CCDC102B: variants seen among roughly 807,000 people sequenced by gnomAD.
CCDC102B encodes coiled-coil domain-containing protein 102B.
In CCDC102B, 75 loss-of-function variants were observed where a neutral mutation model predicts 57.4. That is an observed-to-expected ratio of 1.31 (90% CI 1.08 to 1.58). The LOEUF (loss-of-function observed/expected upper bound fraction) is 1.58. Ranked by LOEUF, CCDC102B falls within the 40% of genes most tolerant of loss-of-function variation. The pLI is 0.00. For synonymous variants in CCDC102B, 206 were observed against 201.9 expected (o/e 1.02, Z -0.17); for missense variants, 636 against 582.6 (o/e 1.09, Z -0.94).
chr18:69,056,951 A>G (rs2052828998), downstream of CCDC102B, among the ~76,000 whole-genome samples: 4 of 151,978 alleles, frequency 2.6e-5, no homozygotes, highest in Admixed American at 2.6e-4. Flanking sequence ...TTTCTCCTTT[A>G]GATACCTCAT....
chr18:68,831,595 A>C (rs2037143278), intron 1 of CCDC102B, among the ~76,000 whole-genome samples: 1 of 152,118 alleles, frequency 6.6e-6, no homozygotes. Context: ...TGCTTTGGCG[A>C]ATTATTTTCT....
intron 2 of CCDC102B, among the ~76,000 whole-genome samples, chr18:68,784,592 A>T (rs2144642460): frequency 6.6e-6 from 1 of 152,280 alleles, no homozygotes; most frequent in Admixed American, 6.5e-5. Flanking sequence ...TAAATGCAAT[A>T]TTGTTTTTAT....
intron 7 of CCDC102B, among the ~76,000 whole-genome samples, chr18:69,011,912 C>A (rs913435515): frequency 6.6e-6 from 1 of 152,014 alleles, no homozygotes; most frequent in Non-Finnish European, 1.5e-5. Flanking sequence ...ATTTAATAAT[C>A]AAACTTACTC....
chr18:68,925,034 T>C (rs2041429959), intron 6 of CCDC102B, among the ~76,000 whole-genome samples: 1 of 152,026 alleles, frequency 6.6e-6, no homozygotes, highest in African/African-American at 2.4e-5. Context: ...TAGGGGCTAC[T>C]GCTATGCACT....
Position 69,007,909 on chromosome 18 carries a change from G to C in CCDC102B, c.1264-3025G>C, listed in dbSNP as rs555836257. ...ATTCCTTCCTCTTTCCTCTTTCCTT[G>C]TATGAACACTGAAGGCTTATTGCTT... On this transcript the variant is annotated intron_variant, in intron 6 of 7. Transcript: ENST00000360242. Among the ~76,000 whole-genome samples, 31 of 152,120 alleles carry C rather than the reference G, an allele frequency of 2.0e-4. No individual in the cohort carries two copies. The South Asian group carries it at 2.7e-3, about 13-fold the overall frequency.
intron 6 of CCDC102B, among the ~76,000 whole-genome samples, chr18:68,913,681 A>G (rs1212946855): frequency 1.3e-5 from 2 of 151,018 alleles, no homozygotes; most frequent in Non-Finnish European, 3.0e-5. Context: ...AGCAAAAACA[A>G]AGACAAAACT....
intron 6 of CCDC102B, among the ~76,000 whole-genome samples, chr18:68,954,388 C>T (rs1192022787): frequency 6.6e-6 from 1 of 152,106 alleles, no homozygotes; most frequent in Non-Finnish European, 1.5e-5. Flanking sequence ...CCACTGCGCT[C>T]CAGCCTGGGT....
chr18:68,989,999 G>T (rs1219627137), intron 6 of CCDC102B, among the ~76,000 whole-genome samples: 1 of 152,126 alleles, frequency 6.6e-6, no homozygotes, highest in Non-Finnish European at 1.5e-5. Context: ...TGCATGTCCA[G>T]CTCCTCTGTA....
At chr18:68,842,340 A>C (rs114331169) in intron 3 of CCDC102B, among the ~76,000 whole-genome samples, 1 of 152,154 alleles carries the variant, frequency 6.6e-6, no homozygotes, top group East Asian at 1.9e-4. Flanking sequence ...TTATTTTGTT[A>C]CTTTATTAAC....
chr18:68,868,538 C>G (rs1236585094), intron 4 of CCDC102B, among the ~76,000 whole-genome samples: 2 of 152,124 alleles, frequency 1.3e-5, no homozygotes, highest in Admixed American at 6.6e-5. Flanking sequence ...GAATCTTAAC[C>G]TTGCTGTCAC....
chr18:68,872,590 G>GT (rs1230074312), intron 4 of CCDC102B, among the ~76,000 whole-genome samples: 2 of 151,824 alleles, frequency 1.3e-5, no homozygotes, highest in African/African-American at 4.8e-5. Context: ...ATTGGATCCA[G>GT]TTTTTTCTCT....
chr18:68,717,658 G>A (rs1437432792), intron 2 of CCDC102B, among the ~76,000 whole-genome samples: 1 of 151,954 alleles, frequency 6.6e-6, no homozygotes, highest in Non-Finnish European at 1.5e-5. Flanking sequence ...CATATTCTGT[G>A]GTGAAAAATT....
chr18:68,976,699 A>G (rs568517099), intron 6 of CCDC102B, among the ~76,000 whole-genome samples: 1 of 152,132 alleles, frequency 6.6e-6, no homozygotes, highest in South Asian at 2.1e-4. Context: ...AACCCATCAT[A>G]TGTCTATTTC....
intron 7 of CCDC102B, among the ~76,000 whole-genome samples, chr18:69,035,476 A>G (rs1297563345): frequency 6.7e-6 from 1 of 150,124 alleles, no homozygotes; most frequent in African/African-American, 2.5e-5. Flanking sequence ...GGATTCACAA[A>G]ATTACGATAA....
chr18:68,790,113 C>T (rs1353536349), intron 2 of CCDC102B, among the ~76,000 whole-genome samples: 19 of 149,528 alleles, frequency 1.3e-4, no homozygotes, highest in Admixed American at 6.6e-5. Context: ...TCTGCCCCTG[C>T]TGGGGGGTGC....
intron 6 of CCDC102B, among the ~76,000 whole-genome samples, chr18:68,899,492 A>G (rs1426012334): frequency 1.3e-5 from 2 of 152,054 alleles, no homozygotes; most frequent in African/African-American, 4.8e-5. Flanking sequence ...GAAATTCCAT[A>G]CATGAGTGAG....
At chr18:68,907,121 G>A (rs1310229180) in intron 6 of CCDC102B, among the ~76,000 whole-genome samples, 2 of 151,978 alleles carry the variant, frequency 1.3e-5, no homozygotes, top group Non-Finnish European at 2.9e-5. Flanking sequence ...ATCCATATAG[G>A]TATGGTTTAT....
intron 6 of CCDC102B, among the ~76,000 whole-genome samples, chr18:68,979,756 G>T (rs1282803943): frequency 1.3e-5 from 2 of 151,982 alleles, no homozygotes; most frequent in Non-Finnish European, 2.9e-5. Flanking sequence ...AGGTGAAATG[G>T]ATTGTGGTGG....
chr18:68,732,230 A>T (rs1479476292), intron 2 of CCDC102B, among the ~76,000 whole-genome samples: 1 of 151,828 alleles, frequency 6.6e-6, no homozygotes, highest in Non-Finnish European at 1.5e-5. Context: ...TGTATTTTAA[A>T]TTATTTCTAG....
Sources: gnomAD v4.1 joint callset for allele counts (sites outside exome capture counted in the v4.1 genomes callset) on GRCh38, gnomAD v4.1.1 for gene constraint, MANE v1.5 for transcripts, NCBI Gene and HGNC (gene_info 2026-07-23, HGNC 2026-07-21) for gene names.